Variants in UBXN2B observed in about 807,000 individuals in gnomAD.
UBXN2B encodes the protein UBX domain-containing protein 2B.
A neutral mutation model predicts 37.5 loss-of-function variants in UBXN2B; 19 were observed. That is an observed-to-expected ratio of 0.51 (90% CI 0.35 to 0.74). The LOEUF is 0.74. Ranked by LOEUF, UBXN2B falls within the 30% of genes least tolerant of loss-of-function variation. The probability of loss-of-function intolerance (pLI) is 0.01; values close to 1 mark genes in which losing one functional copy is unlikely to be tolerated. For missense variants in UBXN2B, 370 were observed against 393.2 expected (o/e 0.94, Z 0.50); for synonymous variants, 145 against 143.8 (o/e 1.01, Z -0.06).
intron 7 of UBXN2B, among the ~76,000 whole-genome samples, chr8:58,446,320 A>G (rs1467146030): frequency 6.6e-6 from 1 of 152,254 alleles, no homozygotes; most frequent in Non-Finnish European, 1.5e-5. Context: ...ACAAAAATAA[A>G]TTAAGAACTA....
intron 6 of UBXN2B, among the ~76,000 whole-genome samples, chr8:58,443,460 A>G (rs1463033944): frequency 6.6e-6 from 1 of 152,126 alleles, no homozygotes; most frequent in Non-Finnish European, 1.5e-5. Flanking sequence ...AAAGTTTTAA[A>G]TAGCAAACAG....
In UBXN2B at chr8:58,448,393, C is replaced by G. The variant is rs1454052648; in HGVS notation, c.*842C>G. 3 of 152,042 alleles carry G rather than the reference C, an allele frequency of 2.0e-5. No homozygotes were observed. Among genetic ancestry groups the G allele is most frequent in the African/African-American group, 7.3e-5 (3 of 41,348 alleles). The allele number at this position is 152,042 out of a possible 1,614,324, so 9.4% of individuals were successfully genotyped here. A position where few individuals can be genotyped will look rare whatever the true frequency, so the allele number is the denominator to read the frequency against. Reference sequence around the variant, plus strand: ...TTCTCTGTGTTGATCAGGCTGGTCTCGAACTCCGAACCTCAGGTGATCCAC... The same window carrying G: ...TTCTCTGTGTTGATCAGGCTGGTCTGGAACTCCGAACCTCAGGTGATCCAC... On this transcript the variant is annotated 3_prime_UTR_variant, in exon 8 of 8. Transcript: ENST00000399598.
chr8:58,446,137 G>A, intron 7 of UBXN2B, 69 bp downstream of exon 7: 2 of 1,412,590 alleles, frequency 1.4e-6, no homozygotes, highest in Non-Finnish European at 1.9e-6. Flanking sequence ...AAGTAGAACT[G>A]TATGTGACTT....
At chr8:58,418,803 G>A (rs1261299157) in intron 2 of UBXN2B, among the ~76,000 whole-genome samples, 1 of 152,026 alleles carries the variant, frequency 6.6e-6, no homozygotes, top group Non-Finnish European at 1.5e-5. Flanking sequence ...TGTATTTTTA[G>A]CTGCTTCTTT....
At chr8:58,425,318 C>G in intron 2 of UBXN2B, 1 of 1,161,324 alleles carries the variant, frequency 8.6e-7, no homozygotes, top group Non-Finnish European at 1.3e-6. Flanking sequence ...ATGACAATCA[C>G]TCAGGAGTTT....
intron 4 of UBXN2B, among the ~76,000 whole-genome samples, chr8:58,433,608 C>CT (rs1808337713): frequency 7.7e-6 from 1 of 129,408 alleles, no homozygotes; most frequent in East Asian, 2.9e-4. Flanking sequence ...GACCCTATCT[C>CT]TTTAAAAAAA....
At position 58,425,477 on chromosome 8, in the gene UBXN2B, C is replaced by T. The variant is rs190745423; in HGVS notation, c.189-5042C>T. On this transcript the variant is annotated intron_variant, in intron 2 of 7. Coordinates refer to ENST00000399598, the MANE Select transcript of UBXN2B (RefSeq NM_001077619.2). ...GCATTGATGTCATCTGAAACAGGCT[C>T]GTTGGGATCACCATCGTGTAGGACA... 1.8e-4 allele frequency: 201 copies of T among 1,117,096 alleles called. 1 individual carries two copies. In the East Asian group the frequency reaches 3.9e-3, roughly 21 times the overall value. 69.2% of individuals were successfully genotyped at this position (1,117,096 alleles called of 1,614,324 possible).
intron 6 of UBXN2B, among the ~76,000 whole-genome samples, chr8:58,444,025 CA>C (rs1433407262): frequency 6.6e-6 from 1 of 152,080 alleles, no homozygotes; most frequent in Non-Finnish European, 1.5e-5. Context: ...ATTCCATATA[CA>C]ATAGTTTCAT....
At chr8:58,425,192 G>T in intron 2 of UBXN2B, 3 of 920,896 alleles carry the variant, frequency 3.3e-6, no homozygotes, top group South Asian at 1.3e-5. Context: ...ATATAGTTGT[G>T]AGCGGTGCTT....
chr8:58,425,723 G>A lies in UBXN2B; in HGVS notation c.189-4796G>A, dbSNP rs191833624. On this transcript the variant is annotated intron_variant, in intron 2 of 7. Transcript: ENST00000399598. ...AACATTTATACGAGTCGTGTTAAGG[G>A]GCTACGTGAGTTGTAGTACTGTACC... 2.8e-4 allele frequency: 329 copies of A among 1,172,564 alleles called. 1 individual carries two copies. The African/African-American group carries it at 4.3e-3, about 15-fold the overall frequency. The allele number at this position is 1,172,564 out of a possible 1,614,324, so 72.6% of individuals were successfully genotyped here.
At position 58,430,677 on chromosome 8, in the gene UBXN2B, C is replaced by A; in HGVS notation, c.339+8C>A. The A allele has an allele frequency of 6.7e-7, 1 of 1,503,492 alleles. No homozygotes were observed. Among genetic ancestry groups the A allele is most frequent in the East Asian group, 2.4e-5 (1 of 41,158 alleles). The allele number at this position is 1,503,492 out of a possible 1,614,324, so 93.1% of individuals were successfully genotyped here. ...GGTGATGATAAATCTAAGGTCAGTG[C>A]TCAATTTTAAACTAAATACATTGTT... is the stretch of plus-strand genomic sequence containing the variant. On this transcript the variant is annotated splice_region_variant and intron_variant, in intron 3 of 7. Transcript: ENST00000399598.
Position 58,430,688 on chromosome 8 carries a change from A to G in UBXN2B, c.339+19A>G, listed in dbSNP as rs767697993. On this transcript the variant is annotated intron_variant, in intron 3 of 7. Transcript: ENST00000399598. ...ATCTAAGGTCAGTGCTCAATTTTAA[A>G]CTAAATACATTGTTTCTATATTTTA... The G allele has an allele frequency of 2.1e-6, 3 of 1,444,340 alleles. No individual in the cohort carries two copies. Among genetic ancestry groups the G allele is most frequent in the Non-Finnish European group, 2.7e-6 (3 of 1,092,068 alleles). 89.5% of individuals were successfully genotyped at this position (1,444,340 alleles called of 1,614,324 possible).
intron 6 of UBXN2B, among the ~76,000 whole-genome samples, chr8:58,441,992 A>C (rs565046060): frequency 6.6e-6 from 1 of 152,196 alleles, no homozygotes; most frequent in East Asian, 1.9e-4. Flanking sequence ...GAAAACAACT[A>C]TGTCCCCTAG....
At chr8:58,431,937 A>G (rs1049152138) in intron 3 of UBXN2B, among the ~76,000 whole-genome samples, 5 of 152,102 alleles carry the variant, frequency 3.3e-5, no homozygotes, top group Non-Finnish European at 7.4e-5. Flanking sequence ...TAATTGGATT[A>G]TTTTGTTACT....
At chr8:58,438,462 G>T (rs1808468866) in intron 5 of UBXN2B, among the ~76,000 whole-genome samples, 1 of 152,194 alleles carries the variant, frequency 6.6e-6, no homozygotes, top group Non-Finnish European at 1.5e-5. Flanking sequence ...CCCACCTCTT[G>T]CACCAATATG....
At chr8:58,415,963 T>C (rs551610924) in intron 1 of UBXN2B, among the ~76,000 whole-genome samples, 2 of 152,006 alleles carry the variant, frequency 1.3e-5, no homozygotes, top group South Asian at 2.1e-4. Context: ...TTCTTGGAGG[T>C]AGTTTTCATA....
At chr8:58,434,763 A>G in intron 5 of UBXN2B, 1 of 1,507,618 alleles carries the variant, frequency 6.6e-7, no homozygotes, top group South Asian at 1.2e-5. Context: ...CTATGAACCC[A>G]GCTCCAAGAA....
chr8:58,445,822 A>G, intron 6 of UBXN2B, 85 bp from the exon 7 acceptor site: 1 of 1,211,330 alleles, frequency 8.3e-7, no homozygotes, highest in Non-Finnish European at 1.1e-6. Flanking sequence ...GACTCAAATG[A>G]AGCCATGTTC....
chr8:58,427,262 G>A (rs1031421501), intron 2 of UBXN2B, among the ~76,000 whole-genome samples: 1 of 152,120 alleles, frequency 6.6e-6, no homozygotes, highest in African/African-American at 2.4e-5. Context: ...TTGAGCTCAC[G>A]AGTTCAAGAC....
Sources: allele counts gnomAD v4.1 joint callset (sites outside exome capture counted in the v4.1 genomes callset), GRCh38; gene constraint gnomAD v4.1.1; transcripts MANE v1.5; gene names NCBI Gene and HGNC (gene_info 2026-07-23, HGNC 2026-07-21).